RIN3: variants seen among roughly 807,000 people sequenced by gnomAD.
The protein encoded by RIN3 is RAB5 interacting protein 3.
Under a neutral mutation model 76.3 loss-of-function variants are expected in RIN3, and 54 were observed. The observed-to-expected ratio is 0.71, with a 90% CI of 0.57 to 0.89. The LOEUF (loss-of-function observed/expected upper bound fraction) is 0.89. Among genes scored for constraint, RIN3 ranks in the 40% least tolerant of loss-of-function variants. The probability of loss-of-function intolerance (pLI) is 0.00; values close to 1 mark genes in which losing one functional copy is unlikely to be tolerated. For missense variants in RIN3, 1,256 were observed against 1,322.1 expected (o/e 0.95, Z 0.78); for synonymous variants, 576 against 564.0 (o/e 1.02, Z -0.30).
chr14:92,526,509 C>G (rs1007667336), intron 1 of RIN3, among the ~76,000 whole-genome samples: 26 of 151,828 alleles, frequency 1.7e-4, no homozygotes, highest in African/African-American at 6.1e-4. Context: ...AATTCTAGCA[C>G]TTTGGGAGGC....
chr14:92,515,157 C>G, intron 1 of RIN3: 1 of 682,196 alleles, frequency 1.5e-6, no homozygotes. Context: ...TCCCTCCATC[C>G]TGCCAGCCCG....
At chr14:92,629,712 C>G (rs1398498994) in intron 4 of RIN3, among the ~76,000 whole-genome samples, 1 of 152,216 alleles carries the variant, frequency 6.6e-6, no homozygotes, top group African/African-American at 2.4e-5. Context: ...TAGCCATTCT[C>G]TTTTTAAATT....
At chr14:92,676,289 C>T (rs1233688590) in intron 7 of RIN3, among the ~76,000 whole-genome samples, 186 bp from the exon 8 acceptor site, 2 of 152,064 alleles carry the variant, frequency 1.3e-5, no homozygotes, top group Admixed American at 6.6e-5. Flanking sequence ...TGGACTGTTT[C>T]TCGGGCCTCC....
At position 92,641,346 on chromosome 14, in the gene RIN3, G is replaced by T; in HGVS notation, c.532+17G>T. 6.3e-7 allele frequency: 1 copy of T among 1,596,414 alleles called. No individual in the cohort carries two copies. Among genetic ancestry groups the T allele is most frequent in the Non-Finnish European group, 8.6e-7 (1 of 1,163,870 alleles). On this transcript the variant is annotated intron_variant, in intron 5 of 9. Coordinates refer to ENST00000216487, the MANE Select transcript of RIN3 (RefSeq NM_024832.5). ...TGGGTCTGGGTGAGTCTTCTCCGAG[G>T]GGTTAGGGGAGCTGGTGGGGCGTTA...
chr14:92,531,799 G>A (rs931078602), intron 1 of RIN3, among the ~76,000 whole-genome samples: 9 of 152,162 alleles, frequency 5.9e-5, no homozygotes, highest in African/African-American at 1.7e-4. Context: ...CCTGCAGTGC[G>A]TTCTGACCTC....
chr14:92,576,515 G>A (rs200482972), intron 2 of RIN3: 1 of 801,442 alleles, frequency 1.2e-6, no homozygotes, highest in Non-Finnish European at 1.8e-6. Context: ...AGGCCTCATG[G>A]CATGGAGGTC....
intron 1 of RIN3, among the ~76,000 whole-genome samples, chr14:92,532,452 C>A (rs187955438): frequency 4.8e-4 from 73 of 152,302 alleles, no homozygotes; most frequent in Admixed American, 1.3e-3. Flanking sequence ...CAACTAATCC[C>A]ATGGGGTCAT....
At chr14:92,576,127 C>A in intron 2 of RIN3, 1 of 930,866 alleles carries the variant, frequency 1.1e-6, no homozygotes, top group Non-Finnish European at 1.4e-6. Flanking sequence ...AGGGATGCCC[C>A]CTCCCCCTTC....
chr14:92,655,446 G>A (rs528141943), intron 6 of RIN3, among the ~76,000 whole-genome samples: 1 of 152,240 alleles, frequency 6.6e-6, no homozygotes, highest in Non-Finnish European at 1.5e-5. Context: ...GTGGATGGAA[G>A]TGAGGTCAGG....
At chr14:92,585,959 C>A (rs1335636870) in intron 3 of RIN3, among the ~76,000 whole-genome samples, 2 of 152,198 alleles carry the variant, frequency 1.3e-5, no homozygotes, top group Non-Finnish European at 2.9e-5. Flanking sequence ...CTTGTTAATG[C>A]AAACTTCTTT....
At chr14:92,653,252 G>A (rs764222653) in intron 6 of RIN3, among the ~76,000 whole-genome samples, 177 bp downstream of exon 6, 43 of 152,244 alleles carry the variant, frequency 2.8e-4, no homozygotes, top group Non-Finnish European at 4.3e-4. Flanking sequence ...AATGGTGCCC[G>A]GCTCCCCCCC....
chr14:92,595,329 G>C lies in RIN3; in HGVS notation c.367+17852G>C, dbSNP rs147791519. 3.2e-3 allele frequency among the ~76,000 whole-genome samples: 492 copies of C among 152,350 alleles called. 3 individuals are homozygous for C. Among genetic ancestry groups the C allele is most frequent in the African/African-American group, 0.011 (463 of 41,586 alleles). On this transcript the variant is annotated intron_variant, in intron 3 of 9. Transcript: ENST00000216487. Reference sequence around the variant, plus strand: ...TGGGTAGCTGAGTGGATTGGGGCAAGAGTGGAAGAAACAAGACAAAGAGCC... The same window carrying C: ...TGGGTAGCTGAGTGGATTGGGGCAACAGTGGAAGAAACAAGACAAAGAGCC...
At chr14:92,525,182 A>G (rs1330346865) in intron 1 of RIN3, among the ~76,000 whole-genome samples, 1 of 152,044 alleles carries the variant, frequency 6.6e-6, no homozygotes, top group Non-Finnish European at 1.5e-5. Flanking sequence ...AGCAAGGAGC[A>G]CCCTCTTCTA....
intron 6 of RIN3, among the ~76,000 whole-genome samples, chr14:92,654,039 C>T (rs1439523018): frequency 3.7e-4 from 56 of 151,882 alleles, no homozygotes; most frequent in Admixed American, 6.6e-5. Flanking sequence ...AATAGCTGGG[C>T]GTGGTGGCTC....
intron 4 of RIN3, among the ~76,000 whole-genome samples, chr14:92,620,427 T>A (rs1460969307): frequency 1.3e-5 from 2 of 152,222 alleles, no homozygotes; most frequent in Non-Finnish European, 2.9e-5. Context: ...TCAGGAAGCC[T>A]AAAATCCAAA....
intron 3 of RIN3, among the ~76,000 whole-genome samples, chr14:92,587,024 G>A (rs912189219): frequency 1.3e-5 from 2 of 152,344 alleles, no homozygotes; most frequent in African/African-American, 4.8e-5. Flanking sequence ...GGGAGAGGTA[G>A]ATTGGAAGTA....
chr14:92,665,848 T>C (rs557391069), intron 7 of RIN3, among the ~76,000 whole-genome samples: 3 of 152,284 alleles, frequency 2.0e-5, no homozygotes, highest in Non-Finnish European at 2.9e-5. Context: ...AATTCTGACT[T>C]TGACGTTCAG....
intron 3 of RIN3, among the ~76,000 whole-genome samples, chr14:92,580,003 A>G (rs1331885808): frequency 1.3e-5 from 2 of 152,256 alleles, no homozygotes; most frequent in Non-Finnish European, 2.9e-5. Flanking sequence ...GAAGTAGACT[A>G]GGAAGGGAAT....
chr14:92,576,903 C>A (rs1186606840), intron 2 of RIN3, among the ~76,000 whole-genome samples: 1 of 152,102 alleles, frequency 6.6e-6, no homozygotes, highest in Non-Finnish European at 1.5e-5. Flanking sequence ...CAGCAGCCTC[C>A]CCCAGAGTGT....
Sources: gnomAD v4.1 joint callset for allele counts (sites outside exome capture counted in the v4.1 genomes callset) on GRCh38, gnomAD v4.1.1 for gene constraint, MANE v1.5 for transcripts, NCBI Gene and HGNC (gene_info 2026-07-23, HGNC 2026-07-21) for gene names.